Variants in COG3 observed in about 807,000 individuals in gnomAD.
COG3 encodes conserved oligomeric Golgi complex subunit 3.
A neutral mutation model predicts 114.1 loss-of-function variants in COG3; 32 were observed. The ratio of observed to expected loss-of-function variants is 0.28; its 90% confidence interval spans 0.21 to 0.38. COG3 has a LOEUF of 0.38. COG3 is among the 10% of genes least tolerant of loss of function. The pLI is 1.00. For synonymous variants in COG3, 352 were observed against 365.7 expected (o/e 0.96, Z 0.43); for missense variants, 813 against 973.2 (o/e 0.84, Z 2.19).
rs184895843 is a variant in COG3 at position 45,536,389 on chromosome 13, G to A, written c.*1658G>A. On this transcript the variant is annotated 3_prime_UTR_variant, in exon 23 of 23. Transcript: ENST00000349995. ...AAAATATTTAATGACATTGGTTCTT[G>A]TCTTTTGATCTTTTATTTCTGAAAC... 208 of 152,204 alleles carry A rather than the reference G, an allele frequency of 1.4e-3. 1 individual carries two copies. Among genetic ancestry groups the A allele is most frequent in the African/African-American group, 4.8e-3 (201 of 41,544 alleles). 9.4% of individuals were successfully genotyped at this position (152,204 alleles called of 1,614,324 possible). A position where few individuals can be genotyped will look rare whatever the true frequency, so the allele number is the denominator to read the frequency against.
intron 1 of COG3, 49 bp downstream of exon 1, chr13:45,465,259 C>T (rs1477622624): frequency 6.3e-6 from 10 of 1,595,570 alleles, no homozygotes; most frequent in Non-Finnish European, 8.5e-6. Flanking sequence ...CTGGGATTCT[C>T]CTCGGGCGCC....
At chr13:45,466,877 T>C (rs1885171882) in intron 1 of COG3, among the ~76,000 whole-genome samples, 1 of 152,222 alleles carries the variant, frequency 6.6e-6, no homozygotes, top group Non-Finnish European at 1.5e-5. Flanking sequence ...GTCTTTAACA[T>C]ATGTTATGTC....
At chr13:45,497,550 G>C (rs376764198) in intron 13 of COG3, among the ~76,000 whole-genome samples, 1 of 152,124 alleles carries the variant, frequency 6.6e-6, no homozygotes, top group African/African-American at 2.4e-5. Flanking sequence ...TTGAGAGGCC[G>C]AGGCGGGAGG....
intron 10 of COG3, 44 bp downstream of exon 10, chr13:45,491,582 G>A (rs1384911849): frequency 6.3e-7 from 1 of 1,579,774 alleles, no homozygotes. Context: ...TCTTCCTCTT[G>A]AGTTATGTTG....
At chr13:45,523,650 C>T (rs576553384) in intron 19 of COG3, among the ~76,000 whole-genome samples, 3 of 152,132 alleles carry the variant, frequency 2.0e-5, no homozygotes, top group Admixed American at 6.5e-5. Flanking sequence ...AATACTTGTG[C>T]GAAACCTAAA....
At chr13:45,531,355 TG>T (rs1158831123) in intron 22 of COG3, 1 of 152,390 alleles carries the variant, frequency 6.6e-6, no homozygotes, top group Non-Finnish European at 1.5e-5. Context: ...ATTTTATATC[TG>T]GTCTTAAGTT....
intron 19 of COG3, among the ~76,000 whole-genome samples, chr13:45,523,504 T>C (rs1872391601): frequency 6.6e-6 from 1 of 152,158 alleles, no homozygotes; most frequent in South Asian, 2.1e-4. Context: ...TTCACTTGAC[T>C]AGCCTTAAAA....
At position 45,480,154 on chromosome 13, in the gene COG3, A is replaced by G. The variant is rs745792706; in HGVS notation, c.413A>G (p.Gln138Arg). The part of the protein sequence containing the change: ...RQMRDYLSGF[Q>R]EQCDAILNDV... Reference sequence around the variant, plus strand: ...ATGAGGGATTACTTGTCTGGGTTTCAGGAGCAGTGTGATGCTATATTGAAT... The same window carrying G: ...ATGAGGGATTACTTGTCTGGGTTTCGGGAGCAGTGTGATGCTATATTGAAT... Residue 138 changes from glutamine (Q) to arginine (R), a missense_variant, in exon 4 of 23, where the codon CAG (glutamine) becomes CGG (arginine). This residue lies in a region of COG3 where 424 missense variants were observed against 430.6 expected (regional missense o/e 0.98). Transcript: ENST00000349995. 3 of 1,612,112 alleles carry G rather than the reference A, an allele frequency of 1.9e-6. No homozygotes were observed. The highest frequency in any genetic ancestry group is 1.1e-5 in the South Asian group (1 of 90,796).
intron 17 of COG3, among the ~76,000 whole-genome samples, chr13:45,516,776 A>T (rs1166677849): frequency 6.6e-6 from 1 of 152,202 alleles, no homozygotes; most frequent in Non-Finnish European, 1.5e-5. Context: ...CCTTTTATGT[A>T]AAATGAGCAT....
rs1035944339 is a variant in COG3, at chr13:45,523,227, A to T, written c.2155-1749A>T. ...TATAGAAAATATTCATTTTCTTTCA[A>T]GTAATTTGATTATTACGAGTTTATT... On this transcript the variant is annotated intron_variant, in intron 19 of 22. Transcript: ENST00000349995. 7.2e-5 allele frequency among the ~76,000 whole-genome samples: 11 copies of T among 152,164 alleles called. 1 individual carries two copies. The East Asian group carries it at 1.5e-3, about 21-fold the overall frequency.
intron 15 of COG3, among the ~76,000 whole-genome samples, chr13:45,511,350 C>G (rs1272420394): frequency 6.6e-6 from 1 of 152,088 alleles, no homozygotes; most frequent in Non-Finnish European, 1.5e-5. Flanking sequence ...TACATGATTT[C>G]CTAAAATACA....
chr13:45,485,384 CG>C (rs1351900203), intron 7 of COG3, among the ~76,000 whole-genome samples: 1 of 2,632 alleles, frequency 3.8e-4, no homozygotes. Context: ...ACCTCCCGGA[CG>C]GGGCGGCTGG....
At chr13:45,474,204 C>A (rs1885710172) in intron 1 of COG3, among the ~76,000 whole-genome samples, 1 of 132,054 alleles carries the variant, frequency 7.6e-6, no homozygotes, top group African/African-American at 3.0e-5. Flanking sequence ...GTCGCCCAGG[C>A]TGGAGTGCAG....
intron 13 of COG3, among the ~76,000 whole-genome samples, chr13:45,500,029 T>C (rs1869284656): frequency 1.7e-5 from 2 of 120,700 alleles, no homozygotes; most frequent in African/African-American, 9.6e-5. Context: ...AAAAAAAATA[T>C]ATATATATGT....
intron 1 of COG3, among the ~76,000 whole-genome samples, chr13:45,471,687 T>C (rs1340681838): frequency 1.3e-5 from 2 of 152,160 alleles, no homozygotes; most frequent in African/African-American, 4.8e-5. Context: ...TAACATTTCT[T>C]GTAGTATAGG....
Position 45,492,236 on chromosome 13 carries a change from A to G in COG3, c.1173A>G (p.Pro391=). The stretch of plus-strand genomic sequence containing the variant: ...TTTACAATGAATTTTTCACAAAACC[A>G]ACATCAAAATTAGAGTAGGTGGACA... ...HQLYNEFFTK[P]TSKLDELLEK... is the part of the protein sequence containing the mutation. The change falls in exon 11 of 23, where the codon CCA becomes CCG. Residue 391 remains proline, a synonymous_variant. Transcript: ENST00000349995. 1.9e-6 allele frequency: 3 copies of G among 1,603,402 alleles called. No individual in the cohort carries two copies. The highest frequency in any genetic ancestry group is 2.6e-6 in the Non-Finnish European group (3 of 1,173,222).
chr13:45,476,549 G>GT (rs771371672), intron 2 of COG3, among the ~76,000 whole-genome samples: 9 of 152,122 alleles, frequency 5.9e-5, no homozygotes, highest in Non-Finnish European at 1.3e-4. Flanking sequence ...TATGATATAG[G>GT]TAAAAAAACA....
rs1886366466 is a variant in COG3, at chr13:45,483,297, T to G, written c.785T>G (p.Leu262Arg). 1 of 1,594,908 alleles carries G rather than the reference T, an allele frequency of 6.3e-7. No individual in the cohort carries two copies. Among genetic ancestry groups the G allele is most frequent in the Non-Finnish European group, 8.6e-7 (1 of 1,163,016 alleles). The change falls in exon 7 of 23, where the codon CTC (leucine) becomes CGC (arginine). Residue 262 changes from leucine to arginine, a missense_variant. This residue lies in a region of COG3 where 424 missense variants were observed against 430.6 expected (regional missense o/e 0.98). Coordinates refer to ENST00000349995, the MANE Select transcript of COG3 (RefSeq NM_031431.4). ...FKQCLSKALH[L>R]MKTYTVNTLQ... ...CAGTGTCTTTCTAAAGCTTTGCACC[T>G]CATGAAGACATATACTGTGAACACA... is the stretch of plus-strand genomic sequence containing the variant.
rs1442402952 is a variant in COG3, at chr13:45,535,203, G to A, written c.*472G>A. On this transcript the variant is annotated 3_prime_UTR_variant, in exon 23 of 23. Coordinates refer to ENST00000349995, the MANE Select transcript of COG3 (RefSeq NM_031431.4). The stretch of plus-strand genomic sequence containing the variant: ...TGTTATTTCTATGCTCTTATTTAAT[G>A]TAATGTTTCTCCTGTCATTTTTGAA... The A allele has an allele frequency of 1.0e-6, 1 of 986,194 alleles. No individual in the cohort carries two copies. Among genetic ancestry groups the A allele is most frequent in the Non-Finnish European group, 1.2e-6 (1 of 830,464 alleles). 61.1% of individuals were successfully genotyped at this position (986,194 alleles called of 1,614,324 possible).
Sources: allele counts gnomAD v4.1 joint callset (sites outside exome capture counted in the v4.1 genomes callset), GRCh38; gene constraint gnomAD v4.1.1; regional missense constraint gnomAD v4.1.1; transcripts MANE v1.5; gene names NCBI Gene and HGNC (gene_info 2026-07-23, HGNC 2026-07-21).